The following STARD9 variants were observed in gnomAD, a reference collection of about 807,000 sequenced individuals.
The protein encoded by STARD9 is stAR-related lipid transfer protein 9.
Under a neutral mutation model 399.8 loss-of-function variants are expected in STARD9, and 346 were observed. That is an observed-to-expected ratio of 0.87 (90% CI 0.79 to 0.95). STARD9 has a LOEUF of 0.95. STARD9 is among the 40% of genes least tolerant of loss of function. The pLI is 0.00. For synonymous variants in STARD9, 2,203 were observed against 2,143.5 expected, an observed-to-expected ratio of 1.03 and a Z score of -0.77; for missense variants, 5,832 against 5,667.5, an observed-to-expected ratio of 1.03 and a Z score of -0.93.
chr15:42,615,890 TG>T (rs1402475592), intron 3 of STARD9, among the ~76,000 whole-genome samples: 1 of 152,152 alleles, frequency 6.6e-6, no homozygotes, highest in African/African-American at 2.4e-5. Context: ...AGCAGGTTGA[TG>T]TATATTGTAT....
At chr15:42,662,054 G>A (rs533708219) in intron 10 of STARD9, among the ~76,000 whole-genome samples, 20 of 152,278 alleles carry the variant, frequency 1.3e-4, no homozygotes, top group African/African-American at 4.8e-4. Flanking sequence ...AGGAGGCTGA[G>A]GTGGGAGGAT....
In STARD9 at chr15:42,693,629, A is replaced by T. The variant is rs1273633526; in HGVS notation, c.12051A>T (p.Pro4017=). 6.5e-6 allele frequency: 10 copies of T among 1,537,114 alleles called. No homozygotes were observed. Among genetic ancestry groups the T allele is most frequent in the Non-Finnish European group, 8.7e-6 (10 of 1,146,910 alleles). ...TTIGVQSRLL[P]PPLRHRSQRL... ...TCGGGGTCCAAAGCAGACTGCTGCC[A>T]CCACCACTGAGGCACAGGAGCCAAA... Residue 4017 remains proline, a synonymous_variant, in exon 23 of 33, where the codon CCA becomes CCT. Transcript: ENST00000290607.
chr15:42,712,787 C>T (rs961628912), intron 26 of STARD9, among the ~76,000 whole-genome samples: 21 of 152,182 alleles, frequency 1.4e-4, no homozygotes, highest in Non-Finnish European at 2.4e-4. Context: ...CCACCTCAGC[C>T]GCCCAAAGTG....
chr15:42,649,174 C>T lies in STARD9; in HGVS notation c.560-1842C>T, dbSNP rs543709938. Among the ~76,000 whole-genome samples the T allele has an allele frequency of 4.9e-4, 74 of 152,164 alleles. 1 individual carries two copies. The highest frequency in any genetic ancestry group is 8.7e-4 in the Non-Finnish European group (59 of 68,016). On this transcript the variant is annotated intron_variant, in intron 7 of 32. Transcript: ENST00000290607. ...CCTCCCGAGTAGCTGGGATTACAGT[C>T]GCGCACCACCACAGCCGGCTGATTT... is the stretch of plus-strand genomic sequence containing the variant.
At chr15:42,588,833 T>TG (rs2058338895) in intron 3 of STARD9, among the ~76,000 whole-genome samples, 1 of 102,180 alleles carries the variant, frequency 9.8e-6, no homozygotes, top group Non-Finnish European at 1.9e-5. Flanking sequence ...GGGGTGGGGG[T>TG]GTGTGGACAG....
chr15:42,686,150 T>C lies in STARD9; in HGVS notation c.4572T>C (p.Ser1524=). 6.5e-7 allele frequency: 1 copy of C among 1,537,336 alleles called. No individual in the cohort carries two copies. The highest frequency in any genetic ancestry group is 8.7e-7 in the Non-Finnish European group (1 of 1,146,936). ...ACTCTGGTTCCCTGGCCCAAGCTTC[T>C]AGCAAAGGAGGAGATACTCTATTGC... The part of the protein sequence containing the change: ...EEDSGSLAQA[S]SKGGDTLLPV... The change falls in exon 23 of 33, where the codon TCT becomes TCC. Residue 1524 remains serine (S), a synonymous_variant. Transcript: ENST00000290607.
At chr15:42,615,028 T>C (rs1041202861) in intron 3 of STARD9, among the ~76,000 whole-genome samples, 10 of 148,326 alleles carry the variant, frequency 6.7e-5, no homozygotes, top group Admixed American at 2.7e-4. Flanking sequence ...TTTTTTTTTT[T>C]CCAGGAGTCT....
chr15:42,620,758 T>A (rs2141851046), intron 3 of STARD9, among the ~76,000 whole-genome samples: 1 of 151,642 alleles, frequency 6.6e-6, no homozygotes, highest in South Asian at 2.1e-4. Flanking sequence ...TTTTATTTTA[T>A]TTTATTTTAT....
chr15:42,692,165 C>G lies in STARD9; in HGVS notation c.10587C>G (p.Leu3529=). The change falls in exon 23 of 33, where the codon CTC becomes CTG. Residue 3529 remains leucine (L), a synonymous_variant. Transcript: ENST00000290607. ...AGAACTCCCCTTTCCACTCCCACCT[C>G]AGCACTTACGCCAATATTTGTGATC... ...EDQNSPFHSH[L]STYANICDLS... 6.5e-7 allele frequency: 1 copy of G among 1,537,176 alleles called. No homozygotes were observed. Among genetic ancestry groups the G allele is most frequent in the East Asian group, 2.4e-5 (1 of 40,916 alleles).
chr15:42,580,441 CACA>C (rs938406357), intron 1 of STARD9, among the ~76,000 whole-genome samples: 23 of 152,140 alleles, frequency 1.5e-4, no homozygotes, highest in African/African-American at 5.3e-4. Flanking sequence ...TCTTCCCAAG[CACA>C]ACAACAAGAA....
rs2058210262 is a variant in STARD9 at position 42,583,227 on chromosome 15, G to A, written c.48-119G>A. The A allele has an allele frequency of 5.9e-6, 4 of 680,070 alleles. No individual in the cohort carries two copies. In the South Asian group the frequency reaches 7.9e-5, roughly 13 times the overall value. The allele number at this position is 680,070 out of a possible 1,614,324, so 42.1% of individuals were successfully genotyped here. ...ACGCTTATAGCCATTTATGGAGACA[G>A]ACGCTTCTCTTAAGGGTACAGCAGT... On this transcript the variant is annotated intron_variant, in intron 1 of 32. Transcript: ENST00000290607.
At chr15:42,666,510 A>C (rs1185197987) in intron 15 of STARD9, among the ~76,000 whole-genome samples, 2 of 152,210 alleles carry the variant, frequency 1.3e-5, no homozygotes, top group Non-Finnish European at 2.9e-5. Context: ...ACACACCGTG[A>C]GGAAGACTAA....
chr15:42,619,605 C>T (rs571915637), intron 3 of STARD9, among the ~76,000 whole-genome samples: 2 of 151,862 alleles, frequency 1.3e-5, no homozygotes, highest in Non-Finnish European at 2.9e-5. Flanking sequence ...CCCTCGCAGG[C>T]ACCTGTGCAG....
Position 42,692,763 on chromosome 15 carries a change from C to G in STARD9, c.11185C>G (p.Gln3729Glu), listed in dbSNP as rs1222639396. ...PQALMMDGST[Q>E]TTVDEGSQTD... ...GGCCCTGATGATGGATGGCTCTACTCAGACCACTGTGGATGAGGGCAGCCA... is the reference window on the plus strand; with the variant it reads ...GGCCCTGATGATGGATGGCTCTACTGAGACCACTGTGGATGAGGGCAGCCA... The change falls in exon 23 of 33, where the codon CAG becomes GAG. Residue 3729 changes from glutamine to glutamate, a missense_variant. Around this residue, in one of 2 missense-constraint regions of STARD9, gnomAD observed 5,828 missense variants for 5,651.1 expected, o/e 1.03. Coordinates refer to ENST00000290607, the MANE Select transcript of STARD9 (RefSeq NM_020759.3). 2 of 1,537,070 alleles carry G rather than the reference C, an allele frequency of 1.3e-6. No homozygotes were observed. Among genetic ancestry groups the G allele is most frequent in the Non-Finnish European group, 1.7e-6 (2 of 1,146,900 alleles).
chr15:42,700,176 A>G (rs1423196083), intron 26 of STARD9, among the ~76,000 whole-genome samples: 1 of 152,182 alleles, frequency 6.6e-6, no homozygotes, highest in Non-Finnish European at 1.5e-5. Context: ...TTCTTTGCCC[A>G]TTCATCTGTA....
Position 42,693,465 on chromosome 15 carries a change from A to AG in STARD9, c.11888dup (p.Gly3964ArgfsTer2), listed in dbSNP as rs1566950291. On this transcript the variant is annotated frameshift_variant, in exon 23 of 33. Transcript: ENST00000290607. LOFTEE classifies it high-confidence loss of function. ...CACTGACGAGTTAGGTGGCTCCCAG[A>AG]GAGGTAGAAGTTCCTTACAAAGGAG... 1.3e-6 allele frequency: 2 copies of AG among 1,537,106 alleles called. No individual in the cohort carries two copies. Among genetic ancestry groups the AG allele is most frequent in the Non-Finnish European group, 1.7e-6 (2 of 1,146,912 alleles).
chr15:42,683,972 C>T (rs2060489710), intron 22 of STARD9, 144 bp from the exon 23 acceptor site: 7 of 854,932 alleles, frequency 8.2e-6, no homozygotes, highest in Non-Finnish European at 1.0e-5. Flanking sequence ...CTAGAGTCCA[C>T]AATTTCCTTT....
rs1389787718 is a variant in STARD9 at position 42,690,967 on chromosome 15, C to G, written c.9389C>G (p.Thr3130Ser). 1 of 1,537,196 alleles carries G rather than the reference C, an allele frequency of 6.5e-7. No homozygotes were observed. Among genetic ancestry groups the G allele is most frequent in the Non-Finnish European group, 8.7e-7 (1 of 1,146,898 alleles). ...VGDQNAQVCQ[T>S]NPEPPATTQG... ...GACCAGAATGCACAGGTGTGTCAAACCAATCCAGAACCACCTGCAACAACT... is the reference window on the plus strand; with the variant it reads ...GACCAGAATGCACAGGTGTGTCAAAGCAATCCAGAACCACCTGCAACAACT... The change falls in exon 23 of 33, where the codon ACC becomes AGC. Residue 3130 changes from threonine to serine, a missense_variant. Thr to Ser is a moderately conservative substitution (Grantham distance 58). Transcript: ENST00000290607.
At chr15:42,696,244 T>A (rs1159615164) in intron 26 of STARD9, among the ~76,000 whole-genome samples, 1 of 152,214 alleles carries the variant, frequency 6.6e-6, no homozygotes, top group African/African-American at 2.4e-5. Flanking sequence ...AAACCAGGGG[T>A]CTGACTTAGT....
Sources: gnomAD v4.1 joint callset for allele counts (sites outside exome capture counted in the v4.1 genomes callset) on GRCh38, gnomAD v4.1.1 for gene constraint, gnomAD v4.1.1 regional missense constraint, MANE v1.5 for transcripts, NCBI Gene and HGNC (gene_info 2026-07-23, HGNC 2026-07-21) for gene names.